Variants in FBXL17 observed in about 807,000 individuals in gnomAD.
The protein encoded by FBXL17 is F-box/LRR-repeat protein 17.
FBXL17 carries 22 observed loss-of-function variants against 66.2 expected under a neutral mutation model. The observed-to-expected ratio is 0.33, with a 90% CI of 0.24 to 0.47. FBXL17 has a LOEUF of 0.47. Ranked by LOEUF, FBXL17 falls within the 20% of genes least tolerant of loss-of-function variation. FBXL17 has a pLI of 1.00. For missense variants in FBXL17, 878 were observed against 948.2 expected, an observed-to-expected ratio of 0.93 and a Z score of 0.97; for synonymous variants, 474 against 400.5, an observed-to-expected ratio of 1.18 and a Z score of -2.19.
chr5:107,936,785 T>A (rs1468783029), intron 7 of FBXL17, among the ~76,000 whole-genome samples: 1 of 152,042 alleles, frequency 6.6e-6, no homozygotes, highest in Non-Finnish European at 1.5e-5. Flanking sequence ...ATCCCATGTG[T>A]AAATATGAGG....
intron 4 of FBXL17, among the ~76,000 whole-genome samples, chr5:108,285,925 T>A (rs1757882153): frequency 6.6e-6 from 1 of 151,766 alleles, no homozygotes; most frequent in African/African-American, 2.4e-5. Context: ...CAGCAGCTTA[T>A]CAAAAAGCTA....
chr5:108,143,726 G>GAAA lies in FBXL17; in HGVS notation c.1745+42388_1745+42390dup, dbSNP rs67537467. Among the ~76,000 whole-genome samples, 809 of 107,400 alleles carry GAAA rather than the reference G, an allele frequency of 7.5e-3. 20 individuals are homozygous for GAAA. Among genetic ancestry groups the GAAA allele is most frequent in the African/African-American group, 0.023 (557 of 24,380 alleles). The allele number at this position is 107,400 out of a possible 152,430, so 70.5% of individuals were successfully genotyped here. ...CTTGTGAACTTGCTTGTTTTCATGG[G>GAAA]AAAAAAAAAAAAAAAAAAAAAAAAG... On this transcript the variant is annotated intron_variant, in intron 6 of 8. Transcript: ENST00000542267.
chr5:108,352,626 T>G (rs1747725538), intron 3 of FBXL17, among the ~76,000 whole-genome samples: 1 of 152,102 alleles, frequency 6.6e-6, no homozygotes, highest in Non-Finnish European at 1.5e-5. Flanking sequence ...TTCTCCTGCC[T>G]CAGCCTCCCG....
intron 3 of FBXL17, among the ~76,000 whole-genome samples, chr5:108,358,051 A>T (rs757240078): frequency 1.3e-5 from 2 of 152,108 alleles, no homozygotes; most frequent in African/African-American, 4.8e-5. Context: ...CTCTGCTGAA[A>T]TCACTTATTA....
chr5:108,229,577 C>G (rs1755240088), intron 4 of FBXL17, among the ~76,000 whole-genome samples: 1 of 152,104 alleles, frequency 6.6e-6, no homozygotes, highest in Non-Finnish European at 1.5e-5. Context: ...CAAGATGGAT[C>G]AAGGACTTAA....
At chr5:107,896,428 T>C (rs2112525041) in intron 7 of FBXL17, among the ~76,000 whole-genome samples, 1 of 150,450 alleles carries the variant, frequency 6.6e-6, no homozygotes, top group East Asian at 2.0e-4. Context: ...GTGCAAATAC[T>C]GTTCACTGCT....
At chr5:108,355,990 T>A (rs923941787) in intron 3 of FBXL17, among the ~76,000 whole-genome samples, 3 of 152,272 alleles carry the variant, frequency 2.0e-5, no homozygotes, top group Admixed American at 2.0e-4. Flanking sequence ...CTACAAGAAA[T>A]CTACTTTAAA....
intron 6 of FBXL17, among the ~76,000 whole-genome samples, chr5:108,059,189 C>T (rs191261514): frequency 1.1e-3 from 170 of 152,322 alleles, no homozygotes; most frequent in African/African-American, 3.9e-3. Flanking sequence ...CTGCACTGTG[C>T]TATTCCTGTG....
intron 3 of FBXL17, among the ~76,000 whole-genome samples, chr5:108,351,897 G>C (rs757487630): frequency 6.6e-6 from 1 of 152,230 alleles, no homozygotes; most frequent in Non-Finnish European, 1.5e-5. Context: ...TAGAACCTCA[G>C]GTTAAGACAC....
chr5:108,301,361 G>A (rs1464443490), intron 4 of FBXL17, among the ~76,000 whole-genome samples: 1 of 151,662 alleles, frequency 6.6e-6, no homozygotes, highest in Non-Finnish European at 1.5e-5. Context: ...AGAACTGTTG[G>A]CATCATTTGA....
chr5:108,114,659 A>G (rs1475781830), intron 6 of FBXL17, among the ~76,000 whole-genome samples: 1 of 152,202 alleles, frequency 6.6e-6, no homozygotes, highest in East Asian at 1.9e-4. Context: ...TGAGTGGAGC[A>G]CACAAATGCT....
intron 7 of FBXL17, among the ~76,000 whole-genome samples, chr5:107,928,179 A>G (rs541437289): frequency 4.4e-4 from 67 of 152,238 alleles, no homozygotes; most frequent in Admixed American, 7.2e-4. Context: ...AGCAGCATGT[A>G]GAAACACACA....
chr5:108,013,896 A>G lies in FBXL17; in HGVS notation c.1822+7029T>C, dbSNP rs146174128. On this transcript the variant is annotated intron_variant, in intron 7 of 8. Transcript: ENST00000542267. ...TATCTATTTTCAAGAAGTTTTAAAC[A>G]TTAGGAAGTCATTTCTTGTTTGGCA... Among the ~76,000 whole-genome samples, 203 of 152,264 alleles carry G rather than the reference A, an allele frequency of 1.3e-3. 1 individual carries two copies. The highest frequency in any genetic ancestry group is 4.8e-3 in the African/African-American group (200 of 41,536).
At chr5:107,900,864 C>G (rs34856940) in intron 7 of FBXL17, among the ~76,000 whole-genome samples, 5,833 of 152,160 alleles carry the variant, frequency 0.038, 182 homozygotes, top group Non-Finnish European at 0.055. Context: ...GTGCAATGTA[C>G]TTAATTTCTT....
At chr5:108,145,821 CAATAATAAT>C (rs139233106) in intron 6 of FBXL17, among the ~76,000 whole-genome samples, 16 of 146,158 alleles carry the variant, frequency 1.1e-4, no homozygotes, top group South Asian at 4.4e-4. Context: ...GTTGCCTAAA[CAATAATAAT>C]AATAATAATA....
At chr5:107,936,888 C>T (rs956795605) in intron 7 of FBXL17, among the ~76,000 whole-genome samples, 1 of 152,028 alleles carries the variant, frequency 6.6e-6, no homozygotes, top group Non-Finnish European at 1.5e-5. Flanking sequence ...CTTTACCCAC[C>T]ATAAACTTGT....
intron 4 of FBXL17, among the ~76,000 whole-genome samples, chr5:108,296,829 A>G (rs1472508334): frequency 6.6e-6 from 1 of 151,642 alleles, no homozygotes; most frequent in African/African-American, 2.4e-5. Context: ...CATTTCAAAC[A>G]AAATAACACA....
chr5:108,159,188 T>C (rs1345087499), intron 6 of FBXL17, among the ~76,000 whole-genome samples: 1 of 152,162 alleles, frequency 6.6e-6, no homozygotes, highest in African/African-American at 2.4e-5. Context: ...ATGTAGGTAT[T>C]TTCTCATATC....
chr5:108,285,819 G>C (rs572787458), intron 4 of FBXL17, among the ~76,000 whole-genome samples: 4 of 150,960 alleles, frequency 2.6e-5, no homozygotes, highest in African/African-American at 9.7e-5. Context: ...TTAAAAAATT[G>C]TGACTCAACA....
Sources: allele counts gnomAD v4.1 joint callset (sites outside exome capture counted in the v4.1 genomes callset), GRCh38; gene constraint gnomAD v4.1.1; transcripts MANE v1.5; gene names NCBI Gene and HGNC (gene_info 2026-07-23, HGNC 2026-07-21).